TTC7A: variants seen among roughly 807,000 people sequenced by gnomAD.
TTC7A encodes tetratricopeptide repeat protein 7A.
A neutral mutation model predicts 103.7 loss-of-function variants in TTC7A; 110 were observed. The observed-to-expected ratio is 1.06, with a 90% CI of 0.91 to 1.24. TTC7A has a LOEUF of 1.24. Among genes scored for constraint, TTC7A ranks in the 50% most tolerant of loss-of-function variants. TTC7A has a pLI of 0.00. For missense variants in TTC7A, 1,340 were observed against 1,116.3 expected, an observed-to-expected ratio of 1.20 and a Z score of -2.86; for synonymous variants, 521 against 467.9, an observed-to-expected ratio of 1.11 and a Z score of -1.47.
chr2:46,973,992 T>C (rs6731875), intron 3 of TTC7A, among the ~76,000 whole-genome samples: 82,564 of 151,984 alleles, frequency 0.54, 23,758 homozygotes, highest in East Asian at 0.67. Flanking sequence ...GAGCAGCTGG[T>C]GCTCCCAGGC....
At chr2:46,972,599 T>A (rs1364427328) in intron 3 of TTC7A, among the ~76,000 whole-genome samples, 1 of 152,236 alleles carries the variant, frequency 6.6e-6, no homozygotes, top group South Asian at 2.1e-4. Flanking sequence ...CTTAGCTGAT[T>A]GCCATGGCTG....
At chr2:47,070,515 G>A (rs1047140233) in intron 19 of TTC7A, among the ~76,000 whole-genome samples, 8 of 152,220 alleles carry the variant, frequency 5.3e-5, no homozygotes, top group Non-Finnish European at 1.0e-4. Flanking sequence ...GCAGGAGGCT[G>A]GGGCGCTGTC....
chr2:47,042,135 C>G (rs896980058), intron 15 of TTC7A, among the ~76,000 whole-genome samples: 1 of 152,108 alleles, frequency 6.6e-6, no homozygotes, highest in South Asian at 2.1e-4. Flanking sequence ...AAAAATCTCT[C>G]GGGTGATAGA....
chr2:47,060,783 G>A lies in TTC7A; in HGVS notation c.2167G>A (p.Glu723Lys). 1.9e-6 allele frequency: 3 copies of A among 1,609,580 alleles called. No individual in the cohort carries two copies. The highest frequency in any genetic ancestry group is 1.7e-6 in the Non-Finnish European group (2 of 1,176,680). ...IWLQAAELFM[E>K]QQHLKEAGFC... ...TGCTTTTGCAGCTGAGCTGTTCATG[G>A]AGCAGCAGCACCTCAAGGAAGCAGG... Residue 723 changes from glutamate to lysine, a missense_variant, in exon 19 of 20, where the codon GAG becomes AAG. Glu to Lys is a moderately conservative substitution (Grantham distance 56). Coordinates refer to ENST00000319190, the MANE Select transcript of TTC7A (RefSeq NM_020458.4).
At chr2:46,970,951 C>G (rs543145551) in intron 3 of TTC7A, among the ~76,000 whole-genome samples, 2 of 152,308 alleles carry the variant, frequency 1.3e-5, no homozygotes, top group African/African-American at 4.8e-5. Flanking sequence ...CTGGTCACAC[C>G]CCAGCCTGGC....
chr2:46,968,543 G>A lies in TTC7A; in HGVS notation c.518-6430G>A, dbSNP rs149804503. Among the ~76,000 whole-genome samples, 322 of 152,282 alleles carry A rather than the reference G, an allele frequency of 2.1e-3. 2 individuals carry two copies. The highest frequency in any genetic ancestry group is 3.7e-3 in the Non-Finnish European group (253 of 68,026). ...CCAGGGGACAAATACAAGGTTCCCG[G>A]CCCCTTTTTATGGGCAGAACTGGGT... On this transcript the variant is annotated intron_variant, in intron 3 of 19. Coordinates refer to ENST00000319190, the MANE Select transcript of TTC7A (RefSeq NM_020458.4).
intron 3 of TTC7A, among the ~76,000 whole-genome samples, chr2:46,963,602 CT>C (rs1440356879): frequency 6.6e-6 from 1 of 152,206 alleles, no homozygotes; most frequent in Non-Finnish European, 1.5e-5. Context: ...CATAACCAGA[CT>C]TATGGTTATA....
At chr2:46,973,075 A>G (rs1002791902) in intron 3 of TTC7A, among the ~76,000 whole-genome samples, 2 of 112,824 alleles carry the variant, frequency 1.8e-5, no homozygotes, top group East Asian at 7.0e-4. Flanking sequence ...TCACAACTGT[A>G]TGCTTTTCAA....
At chr2:47,023,100 G>A (rs1350292704) in intron 12 of TTC7A, among the ~76,000 whole-genome samples, 2 of 152,244 alleles carry the variant, frequency 1.3e-5, no homozygotes, top group Non-Finnish European at 2.9e-5. Flanking sequence ...AGAGGTGGTG[G>A]CCCCTCTCTC....
intron 2 of TTC7A, among the ~76,000 whole-genome samples, chr2:46,935,548 C>T (rs1216416776): frequency 3.9e-5 from 6 of 152,152 alleles, no homozygotes; most frequent in Admixed American, 2.0e-4. Flanking sequence ...CTAAGCTTTG[C>T]GTTATCACAA....
At chr2:47,029,468 T>G in intron 15 of TTC7A, 84 bp downstream of exon 15, 2 of 1,498,688 alleles carry the variant, frequency 1.3e-6, no homozygotes, top group Non-Finnish European at 1.8e-6. Context: ...CCTGCCATGG[T>G]GTCAGCCAAC....
chr2:47,053,231 G>C (rs1683017445), intron 18 of TTC7A, among the ~76,000 whole-genome samples: 1 of 152,180 alleles, frequency 6.6e-6, no homozygotes, highest in South Asian at 2.1e-4. Flanking sequence ...AGTAGGAAGA[G>C]GGATGTTGAA....
chr2:46,999,531 A>G, intron 8 of TTC7A: 1 of 985,464 alleles, frequency 1.0e-6, no homozygotes, highest in South Asian at 4.7e-5. Flanking sequence ...AAAGACAACG[A>G]TTAACAGTTC....
chr2:47,005,391 G>T (rs889284852), intron 8 of TTC7A, among the ~76,000 whole-genome samples: 2 of 152,138 alleles, frequency 1.3e-5, no homozygotes, highest in African/African-American at 4.8e-5. Context: ...CAAAACTCTT[G>T]CTGTAATTGT....
intron 11 of TTC7A, among the ~76,000 whole-genome samples, chr2:47,014,569 C>T (rs1254213740): frequency 6.6e-6 from 1 of 152,142 alleles, no homozygotes; most frequent in Non-Finnish European, 1.5e-5. Flanking sequence ...CCTGTACTCT[C>T]TGTTCCTGAG....
chr2:47,045,064 G>C (rs1295429776), intron 15 of TTC7A, among the ~76,000 whole-genome samples: 6 of 152,222 alleles, frequency 3.9e-5, no homozygotes, highest in Non-Finnish European at 7.3e-5. Context: ...CAGTGATCAA[G>C]TGCAGGCCCT....
chr2:47,026,405 G>A (rs538712642), intron 14 of TTC7A, among the ~76,000 whole-genome samples: 1 of 152,204 alleles, frequency 6.6e-6, no homozygotes, highest in African/African-American at 2.4e-5. Flanking sequence ...AGGTGCCCGG[G>A]GAGAACTCCG....
chr2:46,941,138 C>T (rs1670307186), upstream of TTC7A: 3 of 147,586 alleles, frequency 2.0e-5, no homozygotes, highest in African/African-American at 7.4e-5. The surrounding 1 kb of genome is among the most constrained non-coding windows in gnomAD (Gnocchi z 4.2). Context: ...CCCGGCTCGC[C>T]GAGGCCTCCC....
Position 47,024,358 on chromosome 2 carries a change from A to G in TTC7A, c.1640A>G (p.Gln547Arg), listed in dbSNP as rs377335030. 1.4e-5 allele frequency: 23 copies of G among 1,604,962 alleles called. No individual in the cohort carries two copies. The highest frequency in any genetic ancestry group is 6.7e-5 in the African/African-American group (5 of 74,280). The stretch of plus-strand genomic sequence containing the variant: ...TCGCTGCAGCTGGCCCTCGTCCGAC[A>G]GGTGGGTTGTCCGTGTTCCTAACCC... Reference protein sequence around the residue: ...YVSLQLALVRQISSAMEQLQE... With the variant: ...YVSLQLALVRRISSAMEQLQE... Residue 547 changes from glutamine to arginine, a missense_variant and splice_region_variant, in exon 14 of 20, where the codon CAG becomes CGG. Transcript: ENST00000319190.
Sources: allele counts gnomAD v4.1 joint callset (sites outside exome capture counted in the v4.1 genomes callset), GRCh38; gene constraint gnomAD v4.1.1; non-coding constraint Gnocchi (gnomAD v3.1); transcripts MANE v1.5; gene names NCBI Gene and HGNC (gene_info 2026-07-23, HGNC 2026-07-21).